HELZ2: variants seen among roughly 807,000 people sequenced by gnomAD.
HELZ2 encodes helicase with zinc finger 2, also known as 3'-5' exoribonuclease HELZ2.
In HELZ2, 143 loss-of-function variants were observed where a neutral mutation model predicts 208.8. The ratio of observed to expected loss-of-function variants is 0.68; its 90% CI spans 0.60 to 0.79. HELZ2 has a LOEUF of 0.79. Ranked by LOEUF, HELZ2 falls within the 30% of genes least tolerant of loss-of-function variation. HELZ2 has a pLI of 0.00. For missense variants in HELZ2, 3,690 were observed against 3,794.5 expected, an observed-to-expected ratio of 0.97 and a Z score of 0.72; for synonymous variants, 1,705 against 1,693.7, an observed-to-expected ratio of 1.01 and a Z score of -0.16.
exon 6 of HELZ2, chr20:63,567,601 T>C (rs1196136262): frequency 4.4e-6 from 7 of 1,600,098 alleles, no homozygotes; most frequent in Non-Finnish European, 6.0e-6. Context: ...GCTGTGGAAA[T>C]ACTCCCGGAT....
intron 5 of HELZ2, 90 bp downstream of exon 6, chr20:63,568,268 A>C (rs1469376912): frequency 2.1e-6 from 2 of 963,256 alleles, no homozygotes; most frequent in Non-Finnish European, 3.3e-6. Context: ...GAATCAGAGG[A>C]CTGGAGCACA....
exon 8 of HELZ2, chr20:63,564,932 A>G (rs1177160685): frequency 6.2e-7 from 1 of 1,611,124 alleles, no homozygotes; most frequent in African/African-American, 1.3e-5. Flanking sequence ...GAGGATGCGG[A>G]GGCCCTGCTC....
chr20:63,563,554 C>T, exon 8 of HELZ2: 1 of 1,516,618 alleles, frequency 6.6e-7, no homozygotes, highest in Non-Finnish European at 8.8e-7. Context: ...TGGGGAAGAG[C>T]AGCCGGAAGC....
At chr20:63,565,714 G>T in exon 8 of HELZ2, 1 of 1,606,780 alleles carries the variant, frequency 6.2e-7, no homozygotes. Context: ...CACAGGCCCC[G>T]GGCACCACGT....
At chr20:63,565,775 G>A (rs1480510849) in exon 8 of HELZ2, 1 of 1,600,612 alleles carries the variant, frequency 6.2e-7, no homozygotes. Flanking sequence ...CGTCTGCGCT[G>A]TGGTTGCCGT....
At chr20:63,560,183 T>C in exon 17 of HELZ2, 1 of 1,409,966 alleles carries the variant, frequency 7.1e-7, no homozygotes, top group Non-Finnish European at 9.4e-7. Flanking sequence ...TGGCTCTTGG[T>C]GATGGAGGAC....
At position 63,568,349 on chromosome 20, in the gene HELZ2, C is replaced by T. The variant is rs766454531; in HGVS notation, c.1730+9G>A. On this transcript the variant is annotated intron_variant, in intron 5 of 18. Transcript: ENST00000467148. ...AGGTGAGGTGGGGGCAGGCCAGGCT[C>T]GGGCTTACCTGTTGGTGTGTGTGCA... The T allele has an allele frequency of 6.9e-6, 11 of 1,604,662 alleles. No homozygotes were observed. The highest frequency in any genetic ancestry group is 1.3e-5 in the African/African-American group (1 of 74,906).
At chr20:63,559,266 T>G (rs774044671) in exon 19 of HELZ2, 2 of 1,576,178 alleles carry the variant, frequency 1.3e-6, no homozygotes, top group South Asian at 2.3e-5. Flanking sequence ...ATAGTTGGCC[T>G]CCTGCAGACG....
At chr20:63,561,840 G>C in exon 11 of HELZ2, 1 of 1,563,822 alleles carries the variant, frequency 6.4e-7, no homozygotes, top group Non-Finnish European at 8.7e-7. Context: ...GACATCCACC[G>C]ACTTGTTGGA....
rs778319946 is a variant in HELZ2 at position 63,561,069 on chromosome 20, C to T, written c.7146+13G>A. 8 of 1,606,094 alleles carry T rather than the reference C, an allele frequency of 5.0e-6. No homozygotes were observed. Among genetic ancestry groups the T allele is most frequent in the South Asian group, 4.4e-5 (4 of 90,266 alleles). On this transcript the variant is annotated intron_variant, in intron 14 of 18. Coordinates refer to ENST00000467148, the Ensembl canonical transcript of HELZ2. ...ACGCCTGCTCATGCTGCCCACACCC[C>T]CCGCCGACCAACCTTCTCGGCCTGT... is the stretch of plus-strand genomic sequence containing the variant.
chr20:63,558,681 GGC>G, downstream of HELZ2: 1 of 152,356 alleles, frequency 6.6e-6, no homozygotes, highest in South Asian at 2.1e-4. Flanking sequence ...TGGGATTACA[GGC>G]GCCCGCCACC....
intron 3 of HELZ2, among the ~76,000 whole-genome samples, chr20:63,569,972 G>A (rs1360461972): frequency 1.3e-5 from 2 of 152,076 alleles, no homozygotes; most frequent in Non-Finnish European, 2.9e-5. Context: ...TTTTTGAGAC[G>A]GAGTTTCACT....
intron 5 of HELZ2, chr20:63,568,068 G>C (rs924590744): frequency 5.5e-6 from 3 of 547,908 alleles, no homozygotes; most frequent in Non-Finnish European, 9.6e-6. Context: ...CTATAAAAAC[G>C]AAAAACAAGA....
exon 8 of HELZ2, chr20:63,563,388 G>A: frequency 6.5e-7 from 1 of 1,536,668 alleles, no homozygotes; most frequent in Non-Finnish European, 8.7e-7. Context: ...ACAGTGCCAG[G>A]CAGTGGCAGG....
intron 18 of HELZ2, 54 bp downstream of exon 19, chr20:63,559,874 C>T (rs1017116859): frequency 1.3e-6 from 2 of 1,579,662 alleles, no homozygotes; most frequent in Non-Finnish European, 1.7e-6. Context: ...CTCCCTAGCC[C>T]AGCCCTGGCC....
intron 15 of HELZ2, 26 bp downstream of exon 16, chr20:63,560,769 C>T: frequency 6.2e-7 from 1 of 1,606,454 alleles, no homozygotes; most frequent in South Asian, 1.1e-5. Flanking sequence ...TGCAGGTGGG[C>T]TGGGGGCTGA....
At chr20:63,558,094 G>A (rs1344883900), downstream of HELZ2, 1 of 152,648 alleles carries the variant, frequency 6.6e-6, no homozygotes, top group Non-Finnish European at 1.5e-5. Context: ...AGTGAGAAGA[G>A]CTTTCAGAGT....
exon 8 of HELZ2, chr20:63,562,866 C>A (rs375422831): frequency 6.2e-7 from 1 of 1,606,336 alleles, no homozygotes; most frequent in Non-Finnish European, 8.5e-7. Context: ...AGGCGGAAGG[C>A]GCCCTGCAGC....
intron 5 of HELZ2, 117 bp downstream of exon 6, chr20:63,568,241 C>T (rs181217615): frequency 2.4e-5 from 19 of 801,792 alleles, no homozygotes; most frequent in Non-Finnish European, 3.1e-5. Flanking sequence ...CAAAGCTGGT[C>T]GGCTACAGGG....
Sources: gnomAD v4.1 joint callset for allele counts (sites outside exome capture counted in the v4.1 genomes callset) on GRCh38, gnomAD v4.1.1 for gene constraint, MANE v1.5 for transcripts, NCBI Gene and HGNC (gene_info 2026-07-23, HGNC 2026-07-21) for gene names.